The following PPM1L variants were observed in gnomAD, a reference collection of about 807,000 sequenced individuals.
PPM1L encodes the protein protein phosphatase, Mg2+/Mn2+ dependent 1L.
In PPM1L, 13 loss-of-function variants were observed where a neutral mutation model predicts 31.4. The ratio of observed to expected loss-of-function variants is 0.41; its 90% confidence interval spans 0.27 to 0.66. The LOEUF (loss-of-function observed/expected upper bound fraction) is 0.66. Among genes scored for constraint, PPM1L ranks in the 30% least tolerant of loss-of-function variants. PPM1L has a pLI of 0.29. For missense variants in PPM1L, 326 were observed against 453.7 expected (o/e 0.72, Z 2.56); for synonymous variants, 184 against 175.4 (o/e 1.05, Z -0.39).
chr3:160,918,998 CAG>C (rs879886893), intron 1 of PPM1L, among the ~76,000 whole-genome samples: 6 of 152,114 alleles, frequency 3.9e-5, no homozygotes, highest in Non-Finnish European at 8.8e-5. Context: ...AGGAATAAAA[CAG>C]AGATTAAAGA....
At chr3:160,945,139 A>G (rs1438224441) in intron 1 of PPM1L, among the ~76,000 whole-genome samples, 1 of 99,870 alleles carries the variant, frequency 1.0e-5, no homozygotes, top group African/African-American at 4.1e-5. Flanking sequence ...CTATCTATCT[A>G]TCTATCTATC....
Position 160,756,499 on chromosome 3 carries a change from C to A in PPM1L, c.191C>A (p.Ala64Asp), listed in dbSNP as rs1714807423. The stretch of plus-strand genomic sequence containing the variant: ...GTGAAGATGGTGAAGGGCAAGGTAG[C>A]CGAGATCATGCAGAACGATCGACTC... ...DAVKMVKGKV[A>D]EIMQNDRLGG... is the part of the protein sequence containing the mutation. Residue 64 changes from alanine to aspartate, a missense_variant, in exon 1 of 4, where the codon GCC (alanine) becomes GAC (aspartate). Ala to Asp is a moderately radical substitution (Grantham distance 126). Around this residue, in one of 3 missense-constraint regions of PPM1L, gnomAD observed 83 missense variants for 79.4 expected, o/e 1.04. Transcript: ENST00000498165. The surrounding 1 kb of genome is among the most constrained non-coding windows in gnomAD (Gnocchi z 6.2). 1 of 1,614,134 alleles carries A rather than the reference C, an allele frequency of 6.2e-7. No homozygotes were observed. The highest frequency in any genetic ancestry group is 8.5e-7 in the Non-Finnish European group (1 of 1,180,010).
intron 1 of PPM1L, among the ~76,000 whole-genome samples, chr3:160,783,473 G>A (rs778130742): frequency 2.0e-5 from 3 of 151,752 alleles, no homozygotes; most frequent in Non-Finnish European, 2.9e-5. Flanking sequence ...GGTGGCGGGT[G>A]CCTGTAATCC....
At chr3:160,950,385 T>G (rs1290293636) in intron 1 of PPM1L, among the ~76,000 whole-genome samples, 2 of 152,174 alleles carry the variant, frequency 1.3e-5, no homozygotes, top group Admixed American at 1.3e-4. Flanking sequence ...GGGATCCTTT[T>G]GGGGTTACTC....
chr3:161,029,666 C>T (rs1198469980), intron 2 of PPM1L, among the ~76,000 whole-genome samples: 2 of 151,978 alleles, frequency 1.3e-5, no homozygotes, highest in African/African-American at 4.8e-5. Flanking sequence ...CTTGACTTTG[C>T]TGTTTATCAG....
At chr3:160,762,492 A>G (rs1438740263) in intron 1 of PPM1L, among the ~76,000 whole-genome samples, 1 of 152,184 alleles carries the variant, frequency 6.6e-6, no homozygotes, top group Admixed American at 6.5e-5. Flanking sequence ...GTTCTATGTG[A>G]TGTCTAAAGA....
In PPM1L at chr3:161,076,718, A is replaced by AAATAGAAAT. The variant is rs529277451; in HGVS notation, c.*7562_*7570dup. The AAATAGAAAT allele has an allele frequency of 2.0e-4, 30 of 152,312 alleles. No individual in the cohort carries two copies. The East Asian group carries it at 4.2e-3, about 22-fold the overall frequency. 9.4% of individuals were successfully genotyped at this position (152,312 alleles called of 1,614,324 possible). ...GAAAAAAAAAAAGAGAGAGAAAGACAAATAGAAATTTTAGTGGGTTCAGAT... is the reference window on the plus strand; with the variant it reads ...GAAAAAAAAAAAGAGAGAGAAAGACAAATAGAAATAATAGAAATTTTAGTGGGTTCAGAT... On this transcript the variant is annotated 3_prime_UTR_variant, in exon 4 of 4. Coordinates refer to ENST00000498165, the MANE Select transcript of PPM1L (RefSeq NM_139245.4).
intron 1 of PPM1L, among the ~76,000 whole-genome samples, chr3:160,898,931 A>G (rs547150392): frequency 3.9e-5 from 6 of 152,330 alleles, no homozygotes; most frequent in African/African-American, 1.4e-4. Flanking sequence ...TAGCAGAACC[A>G]GGATTCGTTA....
At chr3:160,825,078 C>T (rs2108093491) in intron 1 of PPM1L, among the ~76,000 whole-genome samples, 1 of 152,208 alleles carries the variant, frequency 6.6e-6, no homozygotes, top group African/African-American at 2.4e-5. Flanking sequence ...CTGTGGTCAG[C>T]TCAGCCACGT....
intron 1 of PPM1L, among the ~76,000 whole-genome samples, chr3:160,847,418 G>C (rs776493500): frequency 6.6e-6 from 1 of 152,186 alleles, no homozygotes; most frequent in Non-Finnish European, 1.5e-5. Flanking sequence ...GCTCAATTGT[G>C]ATCTCAGCTG....
chr3:161,012,825 C>G (rs1037590233), intron 2 of PPM1L, among the ~76,000 whole-genome samples: 2 of 152,168 alleles, frequency 1.3e-5, no homozygotes, highest in African/African-American at 2.4e-5. Context: ...TATATATTCT[C>G]TGATGGTATT....
In PPM1L at chr3:161,070,386, G is replaced by C. The variant is rs574480317; in HGVS notation, c.*1229G>C. ...CATCCACATCAGGGAGCTTTCCCCAGGCAAATACAAACCGCCCCGTGGCCT... is the reference window on the plus strand; with the variant it reads ...CATCCACATCAGGGAGCTTTCCCCACGCAAATACAAACCGCCCCGTGGCCT... On this transcript the variant is annotated 3_prime_UTR_variant, in exon 4 of 4. Coordinates refer to ENST00000498165, the MANE Select transcript of PPM1L (RefSeq NM_139245.4). 19 of 152,170 alleles carry C rather than the reference G, an allele frequency of 1.2e-4. No individual in the cohort carries two copies. The highest frequency in any genetic ancestry group is 1.5e-4 in the Non-Finnish European group (10 of 68,050). 9.4% of individuals were successfully genotyped at this position (152,170 alleles called of 1,614,324 possible).
chr3:161,047,647 G>A (rs1280390387), intron 2 of PPM1L, among the ~76,000 whole-genome samples: 1 of 152,132 alleles, frequency 6.6e-6, no homozygotes, highest in Non-Finnish European at 1.5e-5. Context: ...TAAGCCAAAA[G>A]AACAAAGCTG....
intron 2 of PPM1L, among the ~76,000 whole-genome samples, chr3:160,964,055 G>T (rs775664876): frequency 1.3e-5 from 2 of 151,978 alleles, no homozygotes; most frequent in Non-Finnish European, 2.9e-5. Context: ...ATATTATCAT[G>T]TTTGGGGAAG....
At chr3:160,758,553 A>G (rs1437560948) in intron 1 of PPM1L, among the ~76,000 whole-genome samples, 1 of 152,176 alleles carries the variant, frequency 6.6e-6, no homozygotes, top group Non-Finnish European at 1.5e-5. Flanking sequence ...GGTGTGATGC[A>G]TTGGCATAGT....
intron 1 of PPM1L, among the ~76,000 whole-genome samples, chr3:160,925,469 T>C (rs559387706): frequency 6.6e-6 from 1 of 152,330 alleles, no homozygotes; most frequent in South Asian, 2.1e-4. Flanking sequence ...CTAATGTGAT[T>C]ATTATTAACA....
At chr3:160,905,958 A>G (rs1311886492) in intron 1 of PPM1L, among the ~76,000 whole-genome samples, 4 of 152,136 alleles carry the variant, frequency 2.6e-5, no homozygotes, top group South Asian at 4.1e-4. Context: ...TCCTTTATCC[A>G]TCAGTTTTAG....
chr3:160,782,980 A>G (rs1056977951), intron 1 of PPM1L, among the ~76,000 whole-genome samples: 1 of 152,214 alleles, frequency 6.6e-6, no homozygotes, highest in Admixed American at 6.5e-5. Context: ...GTGATTGCTA[A>G]GAAAAACTCC....
At chr3:160,940,575 G>A (rs538507207) in intron 1 of PPM1L, among the ~76,000 whole-genome samples, 47 of 152,366 alleles carry the variant, frequency 3.1e-4, no homozygotes, top group African/African-American at 1.1e-3. Flanking sequence ...TGGCTTCGGA[G>A]GGTGGAAGCC....
Sources: gnomAD v4.1 joint callset for allele counts (sites outside exome capture counted in the v4.1 genomes callset) on GRCh38, gnomAD v4.1.1 for gene constraint, gnomAD v4.1.1 regional missense constraint, Gnocchi (gnomAD v3.1) non-coding constraint, MANE v1.5 for transcripts, NCBI Gene and HGNC (gene_info 2026-07-23, HGNC 2026-07-21) for gene names.